Variants in DENND2A observed in about 807,000 individuals in gnomAD.
DENND2A encodes the protein DENN domain containing 2A.
In DENND2A, 53 loss-of-function variants were observed where a neutral mutation model predicts 105.3. The observed-to-expected ratio is 0.50, with a 90% CI of 0.40 to 0.63. DENND2A has a LOEUF of 0.63. DENND2A is among the 30% of genes least tolerant of loss of function. The pLI is 0.00. For missense variants in DENND2A, 1,138 were observed against 1,279.6 expected, an observed-to-expected ratio of 0.89 and a Z score of 1.69; for synonymous variants, 522 against 508.4, an observed-to-expected ratio of 1.03 and a Z score of -0.36.
chr7:140,574,117 C>T, intron 5 of DENND2A, 109 bp from the exon 6 acceptor site: 4 of 1,268,272 alleles, frequency 3.2e-6, no homozygotes, highest in Middle Eastern at 2.1e-4. Flanking sequence ...AGGAACTGGT[C>T]TATGTTCCCA....
In DENND2A at chr7:140,555,385, C is replaced by T. The variant is rs575694579; in HGVS notation, c.2037+251G>A. ...AACTCCTGACCTCAAGTGATCCGCC[C>T]GCCTCAGACTCCCAAACTGCTGGGA... is the stretch of plus-strand genomic sequence containing the variant. On this transcript the variant is annotated intron_variant, in intron 12 of 19. Transcript: ENST00000496613. 1.1e-3 allele frequency among the ~76,000 whole-genome samples: 165 copies of T among 152,034 alleles called. 1 individual carries two copies. The highest frequency in any genetic ancestry group is 2.0e-3 in the Admixed American group (31 of 15,230).
intron 14 of DENND2A, among the ~76,000 whole-genome samples, chr7:140,528,629 G>A (rs1257780043): frequency 2.6e-5 from 4 of 152,140 alleles, no homozygotes; most frequent in African/African-American, 9.6e-5. Context: ...AAATTAGCCA[G>A]GCATGGTGTA....
At chr7:140,600,305 A>G (rs1290410101) in intron 3 of DENND2A, among the ~76,000 whole-genome samples, 2 of 152,104 alleles carry the variant, frequency 1.3e-5, no homozygotes, top group Non-Finnish European at 2.9e-5. Context: ...TTTGGGAATC[A>G]TAAGCATGAC....
intron 5 of DENND2A, among the ~76,000 whole-genome samples, chr7:140,581,294 C>T (rs947234772): frequency 6.6e-5 from 10 of 152,170 alleles, no homozygotes; most frequent in African/African-American, 2.4e-4. Context: ...GTGGGTGATG[C>T]GTAGCAAGAA....
chr7:140,599,258 A>T (rs1354847092), intron 3 of DENND2A, among the ~76,000 whole-genome samples: 1 of 152,178 alleles, frequency 6.6e-6, no homozygotes, highest in Non-Finnish European at 1.5e-5. Flanking sequence ...GAATTGCTGG[A>T]ACCCAGGAGG....
At chr7:140,522,860 G>A (rs1473562359) in intron 17 of DENND2A, among the ~76,000 whole-genome samples, 3 of 151,786 alleles carry the variant, frequency 2.0e-5, no homozygotes, top group East Asian at 1.9e-4. Context: ...CACCTGCCTC[G>A]GCCTCCCAAA....
At chr7:140,595,284 G>A (rs905976949) in intron 3 of DENND2A, among the ~76,000 whole-genome samples, 2 of 152,026 alleles carry the variant, frequency 1.3e-5, no homozygotes, top group African/African-American at 4.8e-5. Context: ...TGGGATTACA[G>A]GCATGAGCCA....
At chr7:140,557,838 G>A (rs1047254984) in intron 11 of DENND2A, among the ~76,000 whole-genome samples, 7 of 151,626 alleles carry the variant, frequency 4.6e-5, no homozygotes, top group Admixed American at 2.6e-4. Context: ...GCGCCCGGCC[G>A]TATATATTTT....
intron 14 of DENND2A, among the ~76,000 whole-genome samples, chr7:140,534,715 G>A (rs1426460713): frequency 1.3e-5 from 2 of 152,196 alleles, no homozygotes; most frequent in African/African-American, 4.8e-5. Flanking sequence ...GTGTGGAGGT[G>A]GAGGGGCTAG....
chr7:140,541,749 G>A (rs1427264618), intron 14 of DENND2A, among the ~76,000 whole-genome samples: 1 of 152,196 alleles, frequency 6.6e-6, no homozygotes, highest in Non-Finnish European at 1.5e-5. Context: ...CCTGCTTCCT[G>A]AGCTGACAAA....
intron 11 of DENND2A, among the ~76,000 whole-genome samples, chr7:140,557,525 ATATATATTTTTTT>A (rs1797416711): frequency 3.3e-5 from 1 of 30,148 alleles, no homozygotes; most frequent in African/African-American, 8.0e-5. Flanking sequence ...ATATATATAT[ATATATATTTTTTT>A]TTTTTTTTTT....
chr7:140,557,402 A>C (rs1325331360), intron 11 of DENND2A, among the ~76,000 whole-genome samples: 1 of 150,570 alleles, frequency 6.6e-6, no homozygotes, highest in African/African-American at 2.4e-5. Context: ...CCCTGTCTCA[A>C]AATGAAATAA....
chr7:140,561,498 CTTT>C lies in DENND2A; in HGVS notation c.1780-1684_1780-1682del, dbSNP rs536896244. ...TATATTTTTTCTTTCTTTCTGTTGT[CTTT>C]TTTTTTTTTTTTTTTTTTGAGACAG... On this transcript the variant is annotated intron_variant, in intron 9 of 19. Coordinates refer to ENST00000496613, the MANE Select transcript of DENND2A (RefSeq NM_015689.5). Among the ~76,000 whole-genome samples, 901 of 102,470 alleles carry C rather than the reference CTTT, an allele frequency of 8.8e-3. 11 individuals are homozygous for C. Among genetic ancestry groups the C allele is most frequent in the East Asian group, 0.036 (107 of 2,948 alleles). 67.2% of individuals were successfully genotyped at this position (102,470 alleles called of 152,430 possible).
At chr7:140,519,049 G>C (rs562726491) in intron 19 of DENND2A, among the ~76,000 whole-genome samples, 22 of 152,204 alleles carry the variant, frequency 1.4e-4, no homozygotes, top group Non-Finnish European at 2.5e-4. Flanking sequence ...AAAGTGCCCA[G>C]CAATGCTGTG....
intron 14 of DENND2A, among the ~76,000 whole-genome samples, chr7:140,539,486 T>C (rs540544007): frequency 3.3e-5 from 5 of 152,180 alleles, no homozygotes; most frequent in Non-Finnish European, 7.4e-5. Context: ...TAGGGAGACT[T>C]TCCTTATACA....
At chr7:140,629,513 G>A (rs561011616) in intron 1 of DENND2A, among the ~76,000 whole-genome samples, 9 of 152,288 alleles carry the variant, frequency 5.9e-5, no homozygotes, top group East Asian at 5.8e-4. Context: ...AGACGGACCC[G>A]GCAGCAGGCT....
At chr7:140,553,457 T>C (rs1304811674) in intron 12 of DENND2A, among the ~76,000 whole-genome samples, 2 of 152,124 alleles carry the variant, frequency 1.3e-5, no homozygotes, top group Admixed American at 6.6e-5. Flanking sequence ...GACAGATGCA[T>C]TCCTCTTGTC....
At chr7:140,569,562 A>C in intron 7 of DENND2A, 83 bp downstream of exon 7, 28 of 956,390 alleles carry the variant, frequency 2.9e-5, no homozygotes, top group Non-Finnish European at 4.3e-5. Flanking sequence ...TTGGTGAGCC[A>C]ACCAGAAAAA....
At position 140,528,760 on chromosome 7, in the gene DENND2A, C is replaced by CAA. The variant is rs555432046; in HGVS notation, c.2328-1267_2328-1266dup. Among the ~76,000 whole-genome samples, 59 of 100,314 alleles carry CAA rather than the reference C, an allele frequency of 5.9e-4. 1 individual carries two copies. Among genetic ancestry groups the CAA allele is most frequent in the African/African-American group, 1.2e-3 (36 of 30,992 alleles). 65.8% of individuals were successfully genotyped at this position (100,314 alleles called of 152,430 possible). The stretch of plus-strand genomic sequence containing the variant: ...GGGCAACAAGAATGAAACTCCATCT[C>CAA]AAAAAAAAAAAAAAGAGATGACTGA... On this transcript the variant is annotated intron_variant, in intron 14 of 19. Coordinates refer to ENST00000496613, the MANE Select transcript of DENND2A (RefSeq NM_015689.5).
Sources: allele counts gnomAD v4.1 joint callset (sites outside exome capture counted in the v4.1 genomes callset), GRCh38; gene constraint gnomAD v4.1.1; transcripts MANE v1.5; gene names NCBI Gene and HGNC (gene_info 2026-07-23, HGNC 2026-07-21).